The following ZFHX3 variants were observed in gnomAD, a reference collection of about 807,000 sequenced individuals.
ZFHX3 encodes the protein zinc finger homeobox protein 3.
Under a neutral mutation model 279.1 loss-of-function variants are expected in ZFHX3, and 42 were observed. The ratio of observed to expected loss-of-function variants is 0.15; its 90% CI spans 0.12 to 0.19. The LOEUF (loss-of-function observed/expected upper bound fraction) is 0.19. Among genes scored for constraint, ZFHX3 ranks in the 10% least tolerant of loss-of-function variants. The probability of loss-of-function intolerance (pLI) is 1.00; values close to 1 mark genes in which losing one functional copy is unlikely to be tolerated. For synonymous variants in ZFHX3, 2,293 were observed against 1,957.8 expected (o/e 1.17, Z -4.52); for missense variants, 4,981 against 4,754.0 (o/e 1.05, Z -1.40).
chr16:73,473,365 A>AAAAC (rs2018708164), intron 2 of ZFHX3, among the ~76,000 whole-genome samples: 23 of 130,164 alleles, frequency 1.8e-4, no homozygotes, highest in African/African-American at 7.1e-4. Flanking sequence ...AAACAAAAAA[A>AAAAC]AAAAAAACAA....
intron 8 of ZFHX3, among the ~76,000 whole-genome samples, chr16:73,074,585 T>TGACAATGATGACGACAATGATGAC (rs566756120): frequency 6.6e-6 from 1 of 151,846 alleles, no homozygotes; most frequent in African/African-American, 2.4e-5. Flanking sequence ...AGAATGATAA[T>TGACAATGATGACGACAATGATGAC]GACAATGATG....
chr16:73,355,393 T>TCC (rs1468726807), intron 3 of ZFHX3, among the ~76,000 whole-genome samples: 1 of 152,148 alleles, frequency 6.6e-6, no homozygotes, highest in Non-Finnish European at 1.5e-5. Flanking sequence ...CCAGATCCTG[T>TCC]CCCCTTGATT....
intron 7 of ZFHX3, among the ~76,000 whole-genome samples, chr16:72,802,219 AAG>A (rs1180246077): frequency 1.3e-5 from 2 of 152,124 alleles, no homozygotes; most frequent in Non-Finnish European, 2.9e-5. Flanking sequence ...AATAATGGAA[AAG>A]AGAGACTTTT....
chr16:72,863,787 T>C lies in ZFHX3; in HGVS notation c.3448+25944A>G, dbSNP rs1390998545. Among the ~76,000 whole-genome samples the C allele has an allele frequency of 3.3e-5, 5 of 152,262 alleles. No individual in the cohort carries two copies. In the East Asian group the frequency reaches 9.7e-4, roughly 29 times the overall value. On this transcript the variant is annotated intron_variant, in intron 4 of 9. Transcript: ENST00000268489. Reference sequence around the variant, plus strand: ...TGGGTTCATGGGGTCTGCTGGTTCATGCTCTACTTGTGGATATGTTTGAAA... The same window carrying C: ...TGGGTTCATGGGGTCTGCTGGTTCACGCTCTACTTGTGGATATGTTTGAAA...
intron 1 of ZFHX3, among the ~76,000 whole-genome samples, chr16:73,054,062 G>A (rs1050253260): frequency 6.6e-6 from 1 of 151,918 alleles, no homozygotes; most frequent in African/African-American, 2.4e-5. Context: ...TGGGGGGCTG[G>A]GGGGAGGAGT....
At chr16:72,935,999 G>C (rs570034208) in intron 3 of ZFHX3, among the ~76,000 whole-genome samples, 60 of 152,340 alleles carry the variant, frequency 3.9e-4, no homozygotes, top group Non-Finnish European at 5.4e-4. Flanking sequence ...TGGGCGGACA[G>C]AGCCGAAACT....
intron 3 of ZFHX3, chr16:73,402,597 C>A (rs1275950674): frequency 1.3e-5 from 2 of 152,230 alleles, no homozygotes; most frequent in Non-Finnish European, 2.9e-5. Flanking sequence ...TTGAGTAGCA[C>A]TGAGGTTGAG....
intron 2 of ZFHX3, chr16:73,609,892 T>A (rs180977748): frequency 6.6e-6 from 1 of 152,192 alleles, no homozygotes; most frequent in East Asian, 1.9e-4. Flanking sequence ...GTTACTCCAA[T>A]TGGTCAATCT....
intron 1 of ZFHX3, among the ~76,000 whole-genome samples, chr16:72,964,045 A>G (rs1319644060): frequency 3.3e-5 from 5 of 152,210 alleles, no homozygotes; most frequent in Non-Finnish European, 7.3e-5. Context: ...CTCAAGAGAC[A>G]TCAGCCAGCA....
intron 4 of ZFHX3, among the ~76,000 whole-genome samples, chr16:73,278,948 G>A (rs993291508): frequency 2.0e-5 from 3 of 152,212 alleles, no homozygotes; most frequent in Admixed American, 6.5e-5. Flanking sequence ...TCACCTCTCA[G>A]CAGGAGTGCT....
At chr16:73,254,858 T>C (rs1166963853) in intron 5 of ZFHX3, among the ~76,000 whole-genome samples, 2 of 152,090 alleles carry the variant, frequency 1.3e-5, no homozygotes, top group African/African-American at 4.8e-5. Context: ...ATATGAGAGA[T>C]GTCTACTGAG....
At chr16:73,810,712 G>C (rs1244876062) in intron 1 of ZFHX3, among the ~76,000 whole-genome samples, 1 of 152,160 alleles carries the variant, frequency 6.6e-6, no homozygotes, top group East Asian at 1.9e-4. Context: ...AAAAATGGAA[G>C]AGCTTGAACT....
At chr16:73,199,926 A>C (rs1968231912) in intron 5 of ZFHX3, among the ~76,000 whole-genome samples, 1 of 152,234 alleles carries the variant, frequency 6.6e-6, no homozygotes, top group South Asian at 2.1e-4. Context: ...AAGCCTATGA[A>C]GTAACCTGAA....
intron 4 of ZFHX3, among the ~76,000 whole-genome samples, chr16:73,271,807 C>A (rs1236368779): frequency 2.0e-5 from 3 of 152,182 alleles, no homozygotes; most frequent in African/African-American, 7.2e-5. Context: ...CCTTCCTTCT[C>A]TGACAATGTT....
At chr16:73,085,381 C>T (rs1195141945) in intron 8 of ZFHX3, among the ~76,000 whole-genome samples, 5 of 152,158 alleles carry the variant, frequency 3.3e-5, no homozygotes, top group Admixed American at 6.5e-5. Flanking sequence ...GCCTCAGCCT[C>T]CAGAGTAGCT....
intron 5 of ZFHX3, among the ~76,000 whole-genome samples, chr16:73,229,903 A>G (rs1353564635): frequency 1.3e-5 from 2 of 152,220 alleles, no homozygotes; most frequent in African/African-American, 4.8e-5. Context: ...CAGCTAACAA[A>G]AGGCACAAAG....
At position 72,872,674 on chromosome 16, in the gene ZFHX3, G is replaced by C. The variant is rs113744828; in HGVS notation, c.3448+17057C>G. On this transcript the variant is annotated intron_variant, in intron 4 of 9. Coordinates refer to ENST00000268489, the MANE Select transcript of ZFHX3 (RefSeq NM_006885.4). ...GGGTTTCACTATGTTGGCCAGGCTCGTCTCAAACTCCTGACCTCAAGTGAT... is the reference window on the plus strand; with the variant it reads ...GGGTTTCACTATGTTGGCCAGGCTCCTCTCAAACTCCTGACCTCAAGTGAT... Among the ~76,000 whole-genome samples, 81 of 152,250 alleles carry C rather than the reference G, an allele frequency of 5.3e-4. 1 individual carries two copies. Among genetic ancestry groups the C allele is most frequent in the African/African-American group, 1.7e-3 (69 of 41,548 alleles).
chr16:73,208,571 T>A (rs1279263650), intron 5 of ZFHX3, among the ~76,000 whole-genome samples: 1 of 152,184 alleles, frequency 6.6e-6, no homozygotes, highest in Non-Finnish European at 1.5e-5. Context: ...TGAGAAATGT[T>A]TATAAAATAG....
chr16:73,805,571 C>T lies in ZFHX3; in HGVS notation c.-1608+86080G>A, dbSNP rs555858158. Among the ~76,000 whole-genome samples, 13 of 152,332 alleles carry T rather than the reference C, an allele frequency of 8.5e-5. No individual in the cohort carries two copies. In the South Asian group the frequency reaches 2.7e-3, roughly 32 times the overall value. The stretch of plus-strand genomic sequence containing the variant: ...TCTTTGCACATTGTAGATGCTCAGT[C>T]ACTGTTCATGGAATAGATGAAGGAG... On this transcript the variant is annotated intron_variant, in intron 1 of 17. Transcript: ENST00000641206.
Sources: allele counts gnomAD v4.1 joint callset (sites outside exome capture counted in the v4.1 genomes callset), GRCh38; gene constraint gnomAD v4.1.1; transcripts MANE v1.5; gene names NCBI Gene and HGNC (gene_info 2026-07-23, HGNC 2026-07-21).